The following CNBD1 variants were observed in gnomAD, a reference collection of about 807,000 sequenced individuals.
CNBD1 encodes the protein cyclic nucleotide-binding domain-containing protein 1.
A neutral mutation model predicts 54.4 loss-of-function variants in CNBD1; 71 were observed. The ratio of observed to expected loss-of-function variants is 1.30; its 90% CI spans 1.08 to 1.59. CNBD1 has a LOEUF of 1.59. Among genes scored for constraint, CNBD1 ranks in the 40% most tolerant of loss-of-function variants. The pLI, the probability that CNBD1 is intolerant of heterozygous loss-of-function variation, is 0.00. For synonymous variants in CNBD1, 182 were observed against 170.7 expected, an observed-to-expected ratio of 1.07 and a Z score of -0.51; for missense variants, 659 against 518.0, an observed-to-expected ratio of 1.27 and a Z score of -2.64.
At chr8:87,040,836 A>T (rs946209484) in intron 4 of CNBD1, among the ~76,000 whole-genome samples, 8 of 151,348 alleles carry the variant, frequency 5.3e-5, no homozygotes, top group African/African-American at 1.9e-4. Flanking sequence ...AATAAATATA[A>T]TAAAGCTTTT....
chr8:86,955,788 C>T (rs184935419), intron 4 of CNBD1, among the ~76,000 whole-genome samples: 40 of 152,272 alleles, frequency 2.6e-4, no homozygotes, highest in Admixed American at 5.9e-4. Context: ...GTTGCCTGTT[C>T]GCACTGATGG....
chr8:86,952,692 A>G (rs1004533685), intron 4 of CNBD1, among the ~76,000 whole-genome samples: 1 of 152,124 alleles, frequency 6.6e-6, no homozygotes, highest in Non-Finnish European at 1.5e-5. Flanking sequence ...CAGTTTGATA[A>G]CTTTTGATAC....
intron 8 of CNBD1, among the ~76,000 whole-genome samples, chr8:87,336,711 T>G (rs960102325): frequency 6.6e-6 from 1 of 152,220 alleles, no homozygotes. Context: ...TTCTTCCATC[T>G]TATCCCCTGT....
At chr8:87,398,751 A>T (rs772075754) in intron 2 of CNBD1, among the ~76,000 whole-genome samples, 75 of 152,014 alleles carry the variant, frequency 4.9e-4, no homozygotes, top group Non-Finnish European at 1.0e-3. Context: ...TGCTCAGTAC[A>T]TTAGGAAGTA....
chr8:87,037,384 G>T (rs1357845444), intron 4 of CNBD1, among the ~76,000 whole-genome samples: 2 of 151,540 alleles, frequency 1.3e-5, no homozygotes, highest in Non-Finnish European at 2.9e-5. Context: ...CATATCCATG[G>T]GTATAAAAAA....
intron 4 of CNBD1, among the ~76,000 whole-genome samples, chr8:87,011,152 T>TA (rs1213162501): frequency 2.6e-5 from 4 of 151,222 alleles, no homozygotes; most frequent in East Asian, 3.9e-4. Context: ...GTTTTCAGTT[T>TA]AAAAAAATGG....
intron 4 of CNBD1, among the ~76,000 whole-genome samples, chr8:87,106,373 A>G (rs1811537030): frequency 6.6e-6 from 1 of 151,870 alleles, no homozygotes; most frequent in Admixed American, 6.6e-5. Context: ...CACCATGCCC[A>G]GCTAATTTTT....
intron 1 of CNBD1, 111 bp from the exon 2 acceptor site, chr8:86,887,429 CAT>C (rs1808696947): frequency 4.5e-6 from 3 of 669,240 alleles, no homozygotes; most frequent in African/African-American, 1.8e-5. Context: ...ACCTCACTTC[CAT>C]AGTCACTGAA....
chr8:87,244,233 C>T (rs953607098), intron 6 of CNBD1, among the ~76,000 whole-genome samples: 1 of 152,086 alleles, frequency 6.6e-6, no homozygotes, highest in African/African-American at 2.4e-5. Flanking sequence ...AGGTGAGGGA[C>T]AAATGGCTGC....
intron 4 of CNBD1, among the ~76,000 whole-genome samples, chr8:87,156,994 AG>A (rs1812755988): frequency 6.6e-6 from 1 of 152,172 alleles, no homozygotes; most frequent in Non-Finnish European, 1.5e-5. Flanking sequence ...AAAACTTCTA[AG>A]GCACAGAGCT....
At chr8:87,057,179 A>C (rs1049582792) in intron 4 of CNBD1, among the ~76,000 whole-genome samples, 2 of 152,138 alleles carry the variant, frequency 1.3e-5, no homozygotes, top group Admixed American at 6.6e-5. Flanking sequence ...AATACCTGAG[A>C]CTGGGTAATT....
chr8:87,363,291 G>A lies in CNBD1; in HGVS notation c.1303+9505G>A, dbSNP rs184458044. Among the ~76,000 whole-genome samples, 591 of 152,130 alleles carry A rather than the reference G, an allele frequency of 3.9e-3. 8 individuals carry two copies. Among genetic ancestry groups the A allele is most frequent in the African/African-American group, 0.013 (557 of 41,518 alleles). On this transcript the variant is annotated intron_variant, in intron 10 of 10. Coordinates refer to ENST00000518476, the MANE Select transcript of CNBD1 (RefSeq NM_173538.3). ...CCAAGTATCTGCTATTGTGAACAGT[G>A]CCACAATAAACATACTACATGTGCA...
Position 86,882,541 on chromosome 8 carries a change from A to G in CNBD1, c.89-5001A>G, listed in dbSNP as rs112405961. On this transcript the variant is annotated intron_variant, in intron 1 of 10. Transcript: ENST00000518476. ...ATAACAGATGCTGGTGAGGTTGTAG[A>G]GAAAAAAGAACACTTACACCCTGTT... Among the ~76,000 whole-genome samples the G allele has an allele frequency of 8.1e-3, 1,238 of 152,312 alleles. 9 individuals are homozygous for G. The highest frequency in any genetic ancestry group is 0.023 in the African/African-American group (965 of 41,570).
chr8:87,118,050 T>C (rs184269898), intron 4 of CNBD1, among the ~76,000 whole-genome samples: 81 of 152,182 alleles, frequency 5.3e-4, no homozygotes, highest in African/African-American at 1.9e-3. Flanking sequence ...GCACGGTGCC[T>C]CACACCTGTA....
chr8:87,137,708 A>T (rs1291279580), intron 4 of CNBD1, among the ~76,000 whole-genome samples: 1 of 152,092 alleles, frequency 6.6e-6, no homozygotes, highest in Non-Finnish European at 1.5e-5. Context: ...TCCTTATTTA[A>T]TAAGAAATAT....
intron 8 of CNBD1, among the ~76,000 whole-genome samples, chr8:87,292,568 A>T (rs773548297): frequency 1.3e-5 from 2 of 152,178 alleles, no homozygotes; most frequent in African/African-American, 2.4e-5. Flanking sequence ...TATTGTTCTT[A>T]TTAATACAAC....
chr8:86,988,986 A>G (rs1808675104), intron 4 of CNBD1, among the ~76,000 whole-genome samples: 1 of 152,108 alleles, frequency 6.6e-6, no homozygotes, highest in East Asian at 1.9e-4. Flanking sequence ...AAAACATGAG[A>G]TCACAGGGAA....
intron 1 of CNBD1, among the ~76,000 whole-genome samples, chr8:86,872,835 G>A (rs1808460183): frequency 6.6e-6 from 1 of 152,044 alleles, no homozygotes; most frequent in African/African-American, 2.4e-5. Context: ...CCTTATCATA[G>A]GTATAATTTG....
chr8:86,981,496 G>A (rs1808486905), intron 4 of CNBD1, among the ~76,000 whole-genome samples: 1 of 152,100 alleles, frequency 6.6e-6, no homozygotes, highest in African/African-American at 2.4e-5. Context: ...CCTTTAAAGT[G>A]TCCAGTTTGA....
Sources: allele counts gnomAD v4.1 joint callset (sites outside exome capture counted in the v4.1 genomes callset), GRCh38; gene constraint gnomAD v4.1.1; transcripts MANE v1.5; gene names NCBI Gene and HGNC (gene_info 2026-07-23, HGNC 2026-07-21).